The following CADM2 variants were observed in gnomAD, a reference collection of about 807,000 sequenced individuals.
CADM2 encodes the protein immunoglobulin superfamily member 4D.
Under a neutral mutation model 49.8 loss-of-function variants are expected in CADM2, and 12 were observed. That is an observed-to-expected ratio of 0.24 (90% CI 0.15 to 0.39). CADM2 has a LOEUF of 0.39. CADM2 is among the 10% of genes least tolerant of loss of function. The probability of loss-of-function intolerance (pLI) is 1.00; values close to 1 mark genes in which losing one functional copy is unlikely to be tolerated. For missense variants in CADM2, 378 were observed against 492.3 expected (o/e 0.77, Z 2.20); for synonymous variants, 214 against 175.4 (o/e 1.22, Z -1.74).
rs76221807 is a variant in CADM2 at position 86,005,003 on chromosome 3, C to T, written c.970+43356C>T. ...TTACCATGCTGGAACGTTCTTTTCC[C>T]TCTCTCTTGTTAATTCCCAGAAAAA... is the stretch of plus-strand genomic sequence containing the variant. On this transcript the variant is annotated intron_variant, in intron 8 of 9. Transcript: ENST00000383699. 2.1e-3 allele frequency among the ~76,000 whole-genome samples: 320 copies of T among 152,252 alleles called. 5 individuals are homozygous for T. The East Asian group carries it at 0.046, about 22-fold the overall frequency.
At chr3:85,118,853 G>A (rs545056602) in intron 1 of CADM2, among the ~76,000 whole-genome samples, 6 of 152,086 alleles carry the variant, frequency 3.9e-5, no homozygotes, top group Admixed American at 6.6e-5. Context: ...GGGTTCAAGC[G>A]ATTCTCCTGC....
At chr3:85,693,894 TA>T (rs533492777) in intron 1 of CADM2, among the ~76,000 whole-genome samples, 136 of 76,416 alleles carry the variant, frequency 1.8e-3, no homozygotes, top group Non-Finnish European at 2.5e-3. Context: ...AGACTCCCTC[TA>T]AAAAAAAAAA....
chr3:85,827,827 C>A (rs1465627517), intron 3 of CADM2, among the ~76,000 whole-genome samples: 1 of 151,954 alleles, frequency 6.6e-6, no homozygotes, highest in East Asian at 1.9e-4. Flanking sequence ...TTCAGGTCAA[C>A]AAGATATTTC....
At chr3:85,041,393 GA>G (rs2035434019) in intron 1 of CADM2, among the ~76,000 whole-genome samples, 1 of 152,150 alleles carries the variant, frequency 6.6e-6, no homozygotes, top group Non-Finnish European at 1.5e-5. Flanking sequence ...TTTGCGTGGA[GA>G]GGGGGGCAAA....
intron 1 of CADM2, among the ~76,000 whole-genome samples, chr3:85,463,980 A>G (rs889291924): frequency 6.6e-6 from 1 of 152,180 alleles, no homozygotes; most frequent in Non-Finnish European, 1.5e-5. Context: ...TCTAAATTCG[A>G]AAGATCATAT....
At chr3:85,336,116 G>A (rs1333188781) in intron 1 of CADM2, among the ~76,000 whole-genome samples, 1 of 151,234 alleles carries the variant, frequency 6.6e-6, no homozygotes, top group African/African-American at 2.4e-5. Flanking sequence ...TATCTTTGAC[G>A]TCATTGCTTT....
chr3:85,059,954 T>C (rs867374718), intron 1 of CADM2, among the ~76,000 whole-genome samples: 1 of 151,478 alleles, frequency 6.6e-6, no homozygotes, highest in African/African-American at 2.5e-5. Flanking sequence ...GTTAAGTATA[T>C]AGTTAAAAGG....
chr3:86,034,857 T>G (rs1734970536), intron 8 of CADM2, among the ~76,000 whole-genome samples: 1 of 152,044 alleles, frequency 6.6e-6, no homozygotes, highest in East Asian at 1.9e-4. Flanking sequence ...AATCAGATAC[T>G]AAATTTCTTA....
chr3:84,978,426 G>GTATT (rs1421194186), intron 1 of CADM2, among the ~76,000 whole-genome samples: 11 of 152,190 alleles, frequency 7.2e-5, no homozygotes, highest in African/African-American at 2.6e-4. Context: ...ATTAACACGT[G>GTATT]TATTTAAAAT....
At chr3:85,822,774 T>A (rs772515481) in intron 3 of CADM2, among the ~76,000 whole-genome samples, 94 of 152,166 alleles carry the variant, frequency 6.2e-4, no homozygotes, top group Non-Finnish European at 1.1e-3. Flanking sequence ...GTGGATCTTA[T>A]GTGACAAAAT....
rs887582064 is a variant in CADM2 at position 85,894,370 on chromosome 3, T to C, written c.529+8043T>C. On this transcript the variant is annotated intron_variant, in intron 5 of 9. Coordinates refer to ENST00000383699, the MANE Select transcript of CADM2 (RefSeq NM_001167675.2). ...GTGGGGTAGGGGAAGTGGGGAGGGA[T>C]AGCATTAGGAGATATACCTAATGTT... is the stretch of plus-strand genomic sequence containing the variant. 2.0e-5 allele frequency among the ~76,000 whole-genome samples: 3 copies of C among 152,116 alleles called. No individual in the cohort carries two copies. The East Asian group carries it at 5.8e-4, about 29-fold the overall frequency.
intron 1 of CADM2, among the ~76,000 whole-genome samples, chr3:85,410,899 C>T (rs752467753): frequency 6.6e-6 from 1 of 152,124 alleles, no homozygotes; most frequent in Non-Finnish European, 1.5e-5. Flanking sequence ...AACAAGAGAT[C>T]CAGTGACCTA....
intron 1 of CADM2, among the ~76,000 whole-genome samples, chr3:85,568,501 T>TTG (rs148005371): frequency 0.028 from 1,552 of 55,794 alleles, 137 homozygotes; most frequent in East Asian, 0.1. Flanking sequence ...CTTTCTTTCT[T>TTG]TCTTTCTTTC....
chr3:85,003,152 G>A (rs1207482555), intron 1 of CADM2, among the ~76,000 whole-genome samples: 2 of 152,062 alleles, frequency 1.3e-5, no homozygotes, highest in Non-Finnish European at 2.9e-5. Context: ...TAAACTAGAA[G>A]TAGCTAGAGA....
intron 3 of CADM2, among the ~76,000 whole-genome samples, chr3:85,824,552 A>G (rs566402915): frequency 6.6e-6 from 1 of 152,246 alleles, no homozygotes; most frequent in African/African-American, 2.4e-5. Context: ...GCTACTTGTG[A>G]GACAGAGAAC....
chr3:86,064,718 A>G (rs1739106952), intron 8 of CADM2, among the ~76,000 whole-genome samples: 1 of 152,212 alleles, frequency 6.6e-6, no homozygotes. Flanking sequence ...ACCTCACACC[A>G]GTTAGAATGG....
rs575410520 is a variant in CADM2, at chr3:85,858,065, C to G, written c.239-25226C>G. Reference sequence around the variant, plus strand: ...TTAGCAGTGGAGACAAATCTGACAACTCATTGATGTGAAGTAAACATGTTT... The same window carrying G: ...TTAGCAGTGGAGACAAATCTGACAAGTCATTGATGTGAAGTAAACATGTTT... On this transcript the variant is annotated intron_variant, in intron 3 of 9. Transcript: ENST00000383699. Among the ~76,000 whole-genome samples the G allele has an allele frequency of 2.6e-5, 4 of 152,184 alleles. No individual in the cohort carries two copies. The South Asian group carries it at 8.3e-4, about 31-fold the overall frequency.
intron 3 of CADM2, among the ~76,000 whole-genome samples, chr3:85,869,459 T>C (rs1170527721): frequency 5.3e-5 from 8 of 152,172 alleles, no homozygotes; most frequent in Admixed American, 4.6e-4. Flanking sequence ...GGTTTATAAA[T>C]GTATTAGTTC....
chr3:85,940,546 A>C (rs1002917845), intron 7 of CADM2, among the ~76,000 whole-genome samples: 1 of 152,158 alleles, frequency 6.6e-6, no homozygotes, highest in Non-Finnish European at 1.5e-5. Flanking sequence ...ATGTACTTTA[A>C]AATAATATTA....
Sources: gnomAD v4.1 joint callset for allele counts (sites outside exome capture counted in the v4.1 genomes callset) on GRCh38, gnomAD v4.1.1 for gene constraint, MANE v1.5 for transcripts, NCBI Gene and HGNC (gene_info 2026-07-23, HGNC 2026-07-21) for gene names.